Variants in NSDHL observed in about 807,000 individuals in gnomAD.
NSDHL encodes the protein NAD(P) dependent 3-beta-hydroxysteroid dehydrogenase NSDHL.
A neutral mutation model predicts 23.0 loss-of-function variants in NSDHL; 1 was observed. The observed-to-expected ratio is 0.04, with a 90% CI of 0.02 to 0.21. The LOEUF is 0.21. Among genes scored for constraint, NSDHL ranks in the 10% least tolerant of loss-of-function variants. The pLI, the probability that NSDHL is intolerant of heterozygous loss-of-function variation, is 1.00. For synonymous variants in NSDHL, 128 were observed against 121.1 expected (o/e 1.06, Z -0.37); for missense variants, 237 against 300.9 (o/e 0.79, Z 1.57).
At chrX:152,834,310 G>A (rs1933059074) in intron 1 of NSDHL, among the ~76,000 whole-genome samples, 1 of 112,996 alleles carries the variant, frequency 8.8e-6, no homozygotes, top group African/African-American at 3.2e-5. Flanking sequence ...AAGCTCACAG[G>A]CATGCTGCTG....
In NSDHL at chrX:152,853,668, C is replaced by T. The variant is rs34313467; in HGVS notation, c.267+3245C>T. 8.1e-4 allele frequency among the ~76,000 whole-genome samples: 91 copies of T among 112,496 alleles called. No individual in the cohort carries two copies. In the South Asian group the frequency reaches 9.2e-3, roughly 11 times the overall value. On this transcript the variant is annotated intron_variant, in intron 3 of 7. Transcript: ENST00000370274. ...CCACTACCTGTCTGGCCCACTTCCT[C>T]CCACACCCGCCTCATGGCTCTGCCC...
chrX:152,843,566 C>T, intron 1 of NSDHL, among the ~76,000 whole-genome samples: 1 of 111,960 alleles, frequency 8.9e-6, no homozygotes. Context: ...ATGGCCTCCT[C>T]CTCTTCTCCC....
At chrX:152,854,844 A>C (rs1602935560) in intron 3 of NSDHL, among the ~76,000 whole-genome samples, 1 of 105,646 alleles carries the variant, frequency 9.5e-6, no homozygotes, top group African/African-American at 3.5e-5. Flanking sequence ...ACATAACAAG[A>C]CCCCCCCCAT....
Position 152,865,901 on chromosome X carries a change from C to A in NSDHL, c.626C>A (p.Pro209Gln). The A allele has an allele frequency of 8.3e-7, 1 of 1,211,987 alleles. No homozygotes were observed. The highest frequency in any genetic ancestry group is 1.1e-6 in the Non-Finnish European group (1 of 895,301). Reference sequence around the variant, plus strand: ...CATGGCATTTTCGGCCCAAGGGACCCGCAGTTGGTACCCATCCTCATCGAG... The same window carrying A: ...CATGGCATTTTCGGCCCAAGGGACCAGCAGTTGGTACCCATCCTCATCGAG... ...RPHGIFGPRDPQLVPILIEAA... is the reference protein window; with the variant it reads ...RPHGIFGPRDQQLVPILIEAA... Residue 209 changes from proline to glutamine, a missense_variant, in exon 6 of 8, where the codon CCG becomes CAG. Physicochemically the swap from Pro to Gln is moderately conservative, Grantham distance 76. Coordinates refer to ENST00000370274, the MANE Select transcript of NSDHL (RefSeq NM_015922.3).
chrX:152,850,591 A>G (rs1428440746), intron 3 of NSDHL, among the ~76,000 whole-genome samples, 168 bp downstream of exon 3: 1 of 112,323 alleles, frequency 8.9e-6, no homozygotes, highest in Non-Finnish European at 1.9e-5. Context: ...AGAATGAATA[A>G]CCATCATCTC....
At chrX:152,849,785 C>G (rs1436558224) in intron 2 of NSDHL, among the ~76,000 whole-genome samples, 4 of 112,834 alleles carry the variant, frequency 3.5e-5, no homozygotes, top group Non-Finnish European at 5.6e-5. Context: ...CTTTGTCCTG[C>G]AAGTATGGAG....
chrX:152,833,023 T>G (rs1360126455), intron 1 of NSDHL, among the ~76,000 whole-genome samples: 3 of 111,295 alleles, frequency 2.7e-5, no homozygotes, highest in African/African-American at 9.9e-5. Flanking sequence ...AGGAAGACCG[T>G]GAGGATGGAG....
rs373321146 is a variant in NSDHL, at chrX:152,857,850, C to CA, written c.268-910dup. Among the ~76,000 whole-genome samples the CA allele has an allele frequency of 3.8e-3, 399 of 105,987 alleles. 1 individual carries two copies. Among genetic ancestry groups the CA allele is most frequent in the African/African-American group, 0.013 (374 of 29,114 alleles). 92.0% of individuals were successfully genotyped at this position (105,987 alleles called of 115,157 possible). Reference sequence around the variant, plus strand: ...TGTCTGCAACTTACTTGACTGGTTTCAAAAAAAAAATCATGTGATTGTATG... The same window carrying CA: ...TGTCTGCAACTTACTTGACTGGTTTCAAAAAAAAAAATCATGTGATTGTATG... On this transcript the variant is annotated intron_variant, in intron 3 of 7. Transcript: ENST00000370274.
chrX:152,850,493 C>T, intron 3 of NSDHL, 70 bp downstream of exon 3: 1 of 1,012,407 alleles, frequency 9.9e-7, no homozygotes, highest in Non-Finnish European at 1.4e-6. Context: ...TTCCCTTGCT[C>T]AGAAGCCAGC....
At chrX:152,835,078 C>T (rs782049688) in intron 1 of NSDHL, among the ~76,000 whole-genome samples, 3 of 111,980 alleles carry the variant, frequency 2.7e-5, no homozygotes, top group African/African-American at 9.7e-5. Context: ...GGAAATGTTC[C>T]CCAGCAGGAA....
chrX:152,868,918 C>T lies in NSDHL; in HGVS notation c.924C>T (p.Ser308=). 1 of 1,212,155 alleles carries T rather than the reference C, an allele frequency of 8.2e-7. No individual in the cohort carries two copies. The highest frequency in any genetic ancestry group is 1.1e-6 in the Non-Finnish European group (1 of 895,579). ...CCTACTACCTGGCCCTCCTGCTATC[C>T]CTGCTGGTGATGGTGATCAGTCCTG... The part of the protein sequence containing the change: ...WVAYYLALLL[S]LLVMVISPVI... The change falls in exon 8 of 8, where the codon TCC becomes TCT. Residue 308 remains serine (S), a synonymous_variant. Coordinates refer to ENST00000370274, the MANE Select transcript of NSDHL (RefSeq NM_015922.3).
At chrX:152,844,755 A>G (rs782080613) in intron 1 of NSDHL, among the ~76,000 whole-genome samples, 54 of 112,431 alleles carry the variant, frequency 4.8e-4, no homozygotes, top group Non-Finnish European at 8.8e-4. Flanking sequence ...GTGTGCCCAC[A>G]CATGGTAGTC....
At chrX:152,843,588 T>A (rs1385439283) in intron 1 of NSDHL, among the ~76,000 whole-genome samples, 1 of 111,877 alleles carries the variant, frequency 8.9e-6, no homozygotes, top group East Asian at 2.8e-4. Context: ...GCCTTTCCCC[T>A]CTGTATGTCT....
At chrX:152,848,366 A>C (rs781904921) in intron 2 of NSDHL, among the ~76,000 whole-genome samples, 1 of 112,296 alleles carries the variant, frequency 8.9e-6, no homozygotes, top group Non-Finnish European at 1.9e-5. Flanking sequence ...TATAGGTATG[A>C]TTATCACACA....
chrX:152,859,777 C>T (rs1933498703), intron 4 of NSDHL, among the ~76,000 whole-genome samples: 1 of 112,483 alleles, frequency 8.9e-6, no homozygotes, highest in South Asian at 3.6e-4. Context: ...ACTAGTTCTA[C>T]GTTTAACCTT....
Position 152,858,019 on chromosome X carries a change from A to T in NSDHL, c.268-751A>T, listed in dbSNP as rs193095434. Among the ~76,000 whole-genome samples the T allele has an allele frequency of 4.7e-3, 525 of 112,745 alleles. 7 individuals carry two copies. The highest frequency in any genetic ancestry group is 0.045 in the Admixed American group (476 of 10,674). On this transcript the variant is annotated intron_variant, in intron 3 of 7. Coordinates refer to ENST00000370274, the MANE Select transcript of NSDHL (RefSeq NM_015922.3). ...GACATGCTATTAGTCTTCATTTAGTAGCTCCAGTCTTTATACCTTAATGCA... is the reference window on the plus strand; with the variant it reads ...GACATGCTATTAGTCTTCATTTAGTTGCTCCAGTCTTTATACCTTAATGCA...
rs139953032 is a variant in NSDHL, at chrX:152,847,955, C to T, written c.108+1523C>T. Among the ~76,000 whole-genome samples, 32 of 109,494 alleles carry T rather than the reference C, an allele frequency of 2.9e-4. No individual in the cohort carries two copies. The East Asian group carries it at 8.0e-3, about 28-fold the overall frequency. ...TCAGGTCACTGCAACCTCTGCCTCCCGGATTCAAGCAATTCTCCCTCCTCA... is the reference window on the plus strand; with the variant it reads ...TCAGGTCACTGCAACCTCTGCCTCCTGGATTCAAGCAATTCTCCCTCCTCA... On this transcript the variant is annotated intron_variant, in intron 2 of 7. Coordinates refer to ENST00000370274, the MANE Select transcript of NSDHL (RefSeq NM_015922.3).
chrX:152,858,450 T>C (rs1602937670), intron 3 of NSDHL, among the ~76,000 whole-genome samples: 1 of 111,749 alleles, frequency 8.9e-6, no homozygotes. Context: ...TTCACCTTCC[T>C]GGGGAGTTTT....
At chrX:152,845,596 G>A (rs1239936593) in intron 1 of NSDHL, among the ~76,000 whole-genome samples, 1 of 111,374 alleles carries the variant, frequency 9.0e-6, no homozygotes, top group African/African-American at 3.3e-5. Context: ...TATTGCTACC[G>A]TCTCCCTGCT....
Sources: gnomAD v4.1 joint callset for allele counts (sites outside exome capture counted in the v4.1 genomes callset) on GRCh38, gnomAD v4.1.1 for gene constraint, MANE v1.5 for transcripts, NCBI Gene and HGNC (gene_info 2026-07-23, HGNC 2026-07-21) for gene names.